C12orf42: variants seen among roughly 807,000 people sequenced by gnomAD.
The protein encoded by C12orf42 is chromosome 12 open reading frame 42.
C12orf42 carries 25 observed loss-of-function variants against 21.6 expected under a neutral mutation model. The observed-to-expected ratio is 1.16, with a 90% confidence interval of 0.84 to 1.62. The LOEUF is 1.62. Among genes scored for constraint, C12orf42 ranks in the 40% most tolerant of loss-of-function variants. The pLI, the probability that C12orf42 is intolerant of heterozygous loss-of-function variation, is 0.00. For missense variants in C12orf42, 483 were observed against 459.3 expected, an observed-to-expected ratio of 1.05 and a Z score of -0.47; for synonymous variants, 174 against 175.0, an observed-to-expected ratio of 0.99 and a Z score of 0.05.
intron 4 of C12orf42, among the ~76,000 whole-genome samples, chr12:103,291,085 G>A (rs1195743645): frequency 1.3e-5 from 2 of 152,148 alleles, no homozygotes; most frequent in African/African-American, 2.4e-5. Context: ...AATGGTTAGA[G>A]GTGGTTGGGT....
chr12:103,162,268 CG>C, the C12orf42 span, among the ~76,000 whole-genome samples: 1 of 152,076 alleles, frequency 6.6e-6, no homozygotes, highest in Non-Finnish European at 1.5e-5. Context: ...AGCAAGCCTG[CG>C]GGGGCCTCTC....
chr12:103,206,301 C>T, the C12orf42 span, among the ~76,000 whole-genome samples: 3 of 152,168 alleles, frequency 2.0e-5, no homozygotes, highest in Non-Finnish European at 4.4e-5. Context: ...TCAAGAATAT[C>T]CCCAGTAAAT....
chr12:103,242,260 G>A (rs939188695), intron 10 of C12orf42, among the ~76,000 whole-genome samples: 1 of 152,122 alleles, frequency 6.6e-6, no homozygotes, highest in Non-Finnish European at 1.5e-5. Flanking sequence ...ACTGGAAAAG[G>A]TAAGGACACT....
At chr12:103,192,400 G>A in the C12orf42 span, among the ~76,000 whole-genome samples, 2 of 151,930 alleles carry the variant, frequency 1.3e-5, no homozygotes, top group Non-Finnish European at 2.9e-5. Flanking sequence ...CCACTCAGGA[G>A]GCTGAGGCAG....
chr12:103,375,790 C>A (rs568971752), intron 3 of C12orf42, among the ~76,000 whole-genome samples: 100 of 152,264 alleles, frequency 6.6e-4, no homozygotes, highest in Admixed American at 1.6e-3. Context: ...ATGTAGCTTG[C>A]CCTGACTGTC....
chr12:103,371,413 A>T (rs1201639049), intron 3 of C12orf42, among the ~76,000 whole-genome samples: 1 of 152,180 alleles, frequency 6.6e-6, no homozygotes, highest in Non-Finnish European at 1.5e-5. Flanking sequence ...CAGTTGTACC[A>T]GTCATGGAGC....
chr12:103,293,509 C>A (rs1405626175), intron 4 of C12orf42, among the ~76,000 whole-genome samples: 1 of 152,118 alleles, frequency 6.6e-6, no homozygotes, highest in African/African-American at 2.4e-5. Context: ...AAATCAAGTT[C>A]AAATTCTTCT....
At chr12:103,294,871 A>G (rs1438502204) in intron 4 of C12orf42, among the ~76,000 whole-genome samples, 4 of 152,082 alleles carry the variant, frequency 2.6e-5, no homozygotes, top group African/African-American at 7.2e-5. Flanking sequence ...ATTAGGCATA[A>G]TAGTACCCAT....
At chr12:103,512,212 A>G in the C12orf42 span, among the ~76,000 whole-genome samples, 7 of 152,324 alleles carry the variant, frequency 4.6e-5, no homozygotes, top group African/African-American at 1.7e-4. Flanking sequence ...CAGAAAGACA[A>G]CTATTGCATG....
chr12:103,112,046 C>T, the C12orf42 span, among the ~76,000 whole-genome samples: 1 of 152,136 alleles, frequency 6.6e-6, no homozygotes, highest in African/African-American at 2.4e-5. Context: ...ATCTGCGTAT[C>T]ATATTACTCA....
the C12orf42 span, among the ~76,000 whole-genome samples, chr12:103,546,820 T>C: frequency 6.6e-6 from 1 of 152,158 alleles, no homozygotes; most frequent in Non-Finnish European, 1.5e-5. Flanking sequence ...ATGCAGGCTA[T>C]AAAACCCTCA....
chr12:103,057,011 T>C, the C12orf42 span, among the ~76,000 whole-genome samples: 2 of 152,184 alleles, frequency 1.3e-5, no homozygotes, highest in African/African-American at 4.8e-5. Context: ...GTGATTGTCA[T>C]TTTCCCTTCA....
chr12:103,512,110 A>G, the C12orf42 span, among the ~76,000 whole-genome samples: 1 of 152,348 alleles, frequency 6.6e-6, no homozygotes, highest in Non-Finnish European at 1.5e-5. Context: ...CTCTCCTGAG[A>G]AGTCCCGGTA....
intron 10 of C12orf42, among the ~76,000 whole-genome samples, chr12:103,239,681 A>G (rs2033638352): frequency 2.0e-5 from 3 of 152,128 alleles, no homozygotes; most frequent in Admixed American, 2.0e-4. Context: ...CTTTGGTTCA[A>G]TCAGCTGTTG....
At chr12:103,379,977 C>T (rs2046028252) in intron 3 of C12orf42, among the ~76,000 whole-genome samples, 1 of 152,116 alleles carries the variant, frequency 6.6e-6, no homozygotes, top group Admixed American at 6.5e-5. Context: ...TTGGTTTGGG[C>T]TTTTTCTTTA....
At chr12:103,325,522 G>A (rs533547420) in intron 4 of C12orf42, among the ~76,000 whole-genome samples, 12 of 152,300 alleles carry the variant, frequency 7.9e-5, no homozygotes, top group African/African-American at 2.2e-4. Flanking sequence ...CAGTATTCTC[G>A]ATGACAAGAA....
the C12orf42 span, among the ~76,000 whole-genome samples, chr12:103,130,055 T>C: frequency 2.0e-5 from 3 of 152,138 alleles, no homozygotes; most frequent in Non-Finnish European, 4.4e-5. Context: ...ATTTGCATTG[T>C]TCATTTCCAG....
chr12:103,125,858 G>A, the C12orf42 span, among the ~76,000 whole-genome samples: 1 of 152,144 alleles, frequency 6.6e-6, no homozygotes, highest in Non-Finnish European at 1.5e-5. Context: ...ACACTAAGAT[G>A]TTTCTGCCAG....
At chr12:103,144,516 T>C in the C12orf42 span, among the ~76,000 whole-genome samples, 1 of 152,202 alleles carries the variant, frequency 6.6e-6, no homozygotes, top group African/African-American at 2.4e-5. Flanking sequence ...AGTACAGTTT[T>C]CTGATGCCGC....
Sources: allele counts gnomAD v4.1 joint callset (sites outside exome capture counted in the v4.1 genomes callset), GRCh38; gene constraint gnomAD v4.1.1; transcripts MANE v1.5; gene names NCBI Gene and HGNC (gene_info 2026-07-23, HGNC 2026-07-21).